SRPX: variants seen among roughly 807,000 people sequenced by gnomAD.
The protein encoded by SRPX is sushi repeat containing protein X-linked.
SRPX carries 24 observed loss-of-function variants against 38.1 expected under a neutral mutation model. That is an observed-to-expected ratio of 0.63 (90% confidence interval 0.46 to 0.89). The LOEUF is 0.89. Ranked by LOEUF, SRPX falls within the 40% of genes least tolerant of loss-of-function variation. The pLI, the probability that SRPX is intolerant of heterozygous loss-of-function variation, is 0.00. For missense variants in SRPX, 416 were observed against 377.8 expected, an observed-to-expected ratio of 1.10 and a Z score of -0.84; for synonymous variants, 184 against 153.8, an observed-to-expected ratio of 1.20 and a Z score of -1.45.
At chrX:38,208,307 C>T (rs1377055499) in intron 1 of SRPX, among the ~76,000 whole-genome samples, 3 of 111,574 alleles carry the variant, frequency 2.7e-5, no homozygotes, top group African/African-American at 9.8e-5. Context: ...CTTGAAGACC[C>T]CCTTGTGGCC....
chrX:38,152,246 A>C (rs762634227), intron 9 of SRPX, among the ~76,000 whole-genome samples: 84 of 112,440 alleles, frequency 7.5e-4, no homozygotes, highest in Non-Finnish European at 1.4e-3. Context: ...GATATGTTTG[A>C]TAACACAGGC....
chrX:38,216,895 G>A (rs889850505), intron 1 of SRPX, among the ~76,000 whole-genome samples: 1 of 112,425 alleles, frequency 8.9e-6, no homozygotes, highest in Non-Finnish European at 1.9e-5. Flanking sequence ...GTTGCAGTCA[G>A]TCTCTCATCT....
chrX:38,161,682 C>G (rs188234032), intron 5 of SRPX, among the ~76,000 whole-genome samples: 290 of 111,772 alleles, frequency 2.6e-3, no homozygotes, highest in Middle Eastern at 4.6e-3. Flanking sequence ...ACTTAATCCT[C>G]CTTATTTAAT....
At chrX:38,152,757 TAC>T (rs756381961) in intron 9 of SRPX, among the ~76,000 whole-genome samples, 1 of 111,988 alleles carries the variant, frequency 8.9e-6, no homozygotes, top group African/African-American at 3.2e-5. Flanking sequence ...GAAGATGACA[TAC>T]ACACACACAT....
chrX:38,187,399 C>T (rs957494788), intron 1 of SRPX, among the ~76,000 whole-genome samples: 2 of 111,481 alleles, frequency 1.8e-5, no homozygotes, highest in Non-Finnish European at 3.8e-5. Flanking sequence ...ATCTTAATAA[C>T]CACCAGGAAA....
chrX:38,158,804 C>G (rs1938182770), intron 7 of SRPX, among the ~76,000 whole-genome samples: 1 of 110,775 alleles, frequency 9.0e-6, no homozygotes, highest in Admixed American at 9.6e-5. Flanking sequence ...CATGGTGAAA[C>G]CCCGTCTTTA....
rs1228216034 is a variant in SRPX, at chrX:38,160,118, G to A, written c.854C>T (p.Thr285Ile). The A allele has an allele frequency of 7.4e-6, 9 of 1,210,366 alleles. No individual in the cohort carries two copies. Among genetic ancestry groups the A allele is most frequent in the Non-Finnish European group, 8.9e-6 (8 of 895,232 alleles). ...GCCGCCGATGCAGGAGAACTCACAG[G>A]TGGCTCCATAATTATCACCGTCGCT... ...CSSDGDNYGA[T>I]CEFSCIGGYE... Residue 285 changes from threonine (T) to isoleucine (I), a missense_variant, in exon 7 of 10, where the codon ACC becomes ATC. By Grantham distance (89) the Thr-to-Ile change is moderately conservative. Transcript: ENST00000378533.
intron 2 of SRPX, among the ~76,000 whole-genome samples, chrX:38,177,831 G>A (rs1315907923): frequency 8.9e-6 from 1 of 111,985 alleles, no homozygotes; most frequent in African/African-American, 3.2e-5. Flanking sequence ...CGTTTCAGAA[G>A]CCATGCTGGG....
intron 1 of SRPX, among the ~76,000 whole-genome samples, chrX:38,201,195 A>G (rs1428015875): frequency 1.8e-5 from 2 of 111,683 alleles, no homozygotes; most frequent in African/African-American, 6.5e-5. Context: ...TGTAATAACT[A>G]TAAAACCTCA....
chrX:38,204,792 A>G (rs1390466101), intron 1 of SRPX, among the ~76,000 whole-genome samples: 1 of 112,551 alleles, frequency 8.9e-6, no homozygotes, highest in Non-Finnish European at 1.9e-5. Flanking sequence ...AAACTTTACC[A>G]TTGCTTACAA....
chrX:38,174,043 C>T (rs1000740289), intron 3 of SRPX, 117 bp downstream of exon 3: 3 of 561,063 alleles, frequency 5.3e-6, no homozygotes, highest in Non-Finnish European at 7.6e-6. Context: ...CCTGGTGTCC[C>T]CCTGATCATA....
At chrX:38,205,211 T>C (rs1444844196) in intron 1 of SRPX, among the ~76,000 whole-genome samples, 1 of 112,240 alleles carries the variant, frequency 8.9e-6, no homozygotes, top group Non-Finnish European at 1.9e-5. Context: ...GGTATAACCA[T>C]ACCTTACATT....
intron 1 of SRPX, among the ~76,000 whole-genome samples, chrX:38,181,206 G>A (rs1011543175): frequency 3.6e-5 from 4 of 112,338 alleles, no homozygotes; most frequent in Non-Finnish European, 7.5e-5. Context: ...GCCAGAGCAG[G>A]ATGTCAGAGC....
intron 1 of SRPX, among the ~76,000 whole-genome samples, chrX:38,218,977 G>C (rs968318475): frequency 4.4e-4 from 49 of 111,225 alleles, no homozygotes; most frequent in African/African-American, 1.5e-3. Context: ...CAGGTTAGGA[G>C]TCAGTGGAGG....
chrX:38,219,614 G>T (rs1000318845), intron 1 of SRPX, among the ~76,000 whole-genome samples: 18 of 111,639 alleles, frequency 1.6e-4, no homozygotes, highest in Middle Eastern at 4.7e-3. Context: ...TTAGGTGCGT[G>T]CAGAGAATTT....
chrX:38,161,320 T>C (rs1230167695), intron 5 of SRPX, among the ~76,000 whole-genome samples: 2 of 109,840 alleles, frequency 1.8e-5, no homozygotes, highest in South Asian at 7.9e-4. Context: ...GGGAAGTGGG[T>C]AGAGGGGGGA....
At chrX:38,208,955 G>A (rs1357408860) in intron 1 of SRPX, among the ~76,000 whole-genome samples, 8 of 104,235 alleles carry the variant, frequency 7.7e-5, no homozygotes, top group Non-Finnish European at 1.6e-4. Flanking sequence ...TCAAAGTGCT[G>A]GGATTACAGG....
chrX:38,164,652 CA>C, intron 5 of SRPX, 116 bp downstream of exon 5: 1 of 797,667 alleles, frequency 1.3e-6, no homozygotes, highest in Non-Finnish European at 1.7e-6. Flanking sequence ...AGGTAGTGAC[CA>C]GGGGGACCAC....
chrX:38,161,061 GA>G lies in SRPX; in HGVS notation c.654-8del, dbSNP rs768887965. 21 of 1,202,368 alleles carry G rather than the reference GA, an allele frequency of 1.7e-5. No homozygotes were observed. Among genetic ancestry groups the G allele is most frequent in the South Asian group, 3.6e-5 (2 of 55,531 alleles). ...GAGGCCTTTTAGAATGACACTTAGA[GA>G]AAAAAAATCAGAAACAGGAAAGATG... On this transcript the variant is annotated splice_region_variant and splice_polypyrimidine_tract_variant and intron_variant, in intron 5 of 9. Coordinates refer to ENST00000378533, the MANE Select transcript of SRPX (RefSeq NM_006307.5).
Sources: gnomAD v4.1 joint callset for allele counts (sites outside exome capture counted in the v4.1 genomes callset) on GRCh38, gnomAD v4.1.1 for gene constraint, MANE v1.5 for transcripts, NCBI Gene and HGNC (gene_info 2026-07-23, HGNC 2026-07-21) for gene names.